The following TCP11L2 variants were observed in gnomAD, a reference collection of about 807,000 sequenced individuals.
The protein encoded by TCP11L2 is t-complex 11 like 2.
In TCP11L2, 39 loss-of-function variants were observed where a neutral mutation model predicts 50.7. The observed-to-expected ratio is 0.77, with a 90% CI of 0.60 to 1.01. The LOEUF is 1.01. Ranked by LOEUF, TCP11L2 falls within the 50% of genes least tolerant of loss-of-function variation. TCP11L2 has a pLI of 0.00. For missense variants in TCP11L2, 612 were observed against 614.7 expected (o/e 1.00, Z 0.05); for synonymous variants, 192 against 219.3 (o/e 0.88, Z 1.10).
intron 3 of TCP11L2, 42 bp downstream of exon 3, chr12:106,314,535 CTGTGTGTGTGTGTGTGTG>C (rs55918458): frequency 2.4e-5 from 17 of 707,366 alleles, no homozygotes; most frequent in East Asian, 9.2e-5. Context: ...GCTGAAGATT[CTGTGTGTGTGTGTGTGTG>C]TGTGTGTGTG....
chr12:106,316,807 G>T (rs956009924), intron 3 of TCP11L2, among the ~76,000 whole-genome samples: 2 of 152,236 alleles, frequency 1.3e-5, no homozygotes, highest in Non-Finnish European at 2.9e-5. Flanking sequence ...ACACATATTG[G>T]ATGTTTAATA....
chr12:106,344,628 T>C lies in TCP11L2; in HGVS notation c.1316-1658T>C, dbSNP rs114526770. Among the ~76,000 whole-genome samples the C allele has an allele frequency of 5.6e-4, 85 of 152,308 alleles. 1 individual carries two copies. The highest frequency in any genetic ancestry group is 1.9e-3 in the African/African-American group (79 of 41,580). ...GGTCAGACCTAGCTGGAATGTATGA[T>C]TTTTGTGAGCATTCTTTGGTGATAA... is the stretch of plus-strand genomic sequence containing the variant. On this transcript the variant is annotated intron_variant, in intron 9 of 9. Coordinates refer to ENST00000299045, the MANE Select transcript of TCP11L2 (RefSeq NM_152772.3).
At chr12:106,329,676 T>G (rs1179755910) in intron 6 of TCP11L2, 1 of 1,173,176 alleles carries the variant, frequency 8.5e-7, no homozygotes, top group East Asian at 4.2e-5. Flanking sequence ...CACTGTTGCT[T>G]TTGTTCAAGG....
intron 1 of TCP11L2, among the ~76,000 whole-genome samples, chr12:106,308,787 C>T (rs1225428565): frequency 6.6e-6 from 1 of 152,170 alleles, no homozygotes; most frequent in Non-Finnish European, 1.5e-5. Context: ...GCCTGGTTAA[C>T]GTGTCATGAT....
rs759945434 is a variant in TCP11L2 at position 106,323,579 on chromosome 12, G to T, written c.705G>T (p.Pro235=). 6.2e-7 allele frequency: 1 copy of T among 1,607,140 alleles called. No homozygotes were observed. Among genetic ancestry groups the T allele is most frequent in the Non-Finnish European group, 8.5e-7 (1 of 1,176,834 alleles). ...ATTTTACAATTATGAGTCTCAGACC[G>T]CACCTTCAACGCCAGTTGGTGGAAT... ...MANFTIMSLR[P]HLQRQLVEYE... The change falls in exon 6 of 10, where the codon CCG becomes CCT. Residue 235 remains proline (P), a synonymous_variant. Transcript: ENST00000299045.
At chr12:106,298,550 C>G (rs573117305), upstream of TCP11L2, among the ~76,000 whole-genome samples, 4 of 152,194 alleles carry the variant, frequency 2.6e-5, no homozygotes, top group South Asian at 8.3e-4. Context: ...GAGACAAAGT[C>G]TCGCTCTGTT....
At position 106,321,620 on chromosome 12, in the gene TCP11L2, C is replaced by T; in HGVS notation, c.549C>T (p.Ile183=). Reference sequence around the variant, plus strand: ...TCCAAGGCCTGGCCAACTATGTCATCAGTACGATGGGAAAGCTGTGTGCTC... The same window carrying T: ...TCCAAGGCCTGGCCAACTATGTCATTAGTACGATGGGAAAGCTGTGTGCTC... ...VDIQGLANYV[I]STMGKLCAPV... Residue 183 remains isoleucine (I), a synonymous_variant, in exon 5 of 10, where the codon ATC becomes ATT. Coordinates refer to ENST00000299045, the MANE Select transcript of TCP11L2 (RefSeq NM_152772.3). 6.2e-7 allele frequency: 1 copy of T among 1,614,206 alleles called. No individual in the cohort carries two copies. The highest frequency in any genetic ancestry group is 8.5e-7 in the Non-Finnish European group (1 of 1,180,044).
intron 9 of TCP11L2, among the ~76,000 whole-genome samples, chr12:106,345,397 T>C (rs779045575): frequency 1.3e-5 from 2 of 152,184 alleles, no homozygotes; most frequent in Non-Finnish European, 2.9e-5. Flanking sequence ...GAAACCTAGA[T>C]GTGTGGTCCC....
intron 6 of TCP11L2, among the ~76,000 whole-genome samples, chr12:106,328,450 A>G (rs569100667): frequency 1.4e-4 from 22 of 152,370 alleles, no homozygotes; most frequent in African/African-American, 5.0e-4. Context: ...AGACTGAGGC[A>G]GGAGAATGGC....
At chr12:106,345,248 G>A (rs776414486) in intron 9 of TCP11L2, among the ~76,000 whole-genome samples, 7 of 151,974 alleles carry the variant, frequency 4.6e-5, no homozygotes, top group Non-Finnish European at 7.4e-5. Flanking sequence ...CTCCCACCTC[G>A]GCCTCCCAAA....
chr12:106,326,433 A>G (rs2035549184), intron 6 of TCP11L2, among the ~76,000 whole-genome samples: 1 of 152,190 alleles, frequency 6.6e-6, no homozygotes, highest in African/African-American at 2.4e-5. Context: ...GGGAGGAAGC[A>G]GACAGCTGGT....
At chr12:106,323,818 G>A (rs957985329) in intron 6 of TCP11L2, 172 bp downstream of exon 6, 3 of 337,992 alleles carry the variant, frequency 8.9e-6, no homozygotes, top group African/African-American at 6.5e-5. Flanking sequence ...TGAAAATTAG[G>A]TGATGTTTTC....
intron 2 of TCP11L2, among the ~76,000 whole-genome samples, chr12:106,311,529 A>G (rs1034004437): frequency 8.5e-5 from 13 of 152,158 alleles, no homozygotes; most frequent in African/African-American, 2.7e-4. Context: ...CCATTCCTTG[A>G]GATTACTTCT....
intron 9 of TCP11L2, among the ~76,000 whole-genome samples, chr12:106,345,501 G>A (rs996698383): frequency 6.6e-6 from 1 of 152,190 alleles, no homozygotes; most frequent in Non-Finnish European, 1.5e-5. Context: ...GAAATCTCCT[G>A]ATTTTAAATG....
At chr12:106,299,849 ATCC>A (rs2034383351), upstream of TCP11L2, among the ~76,000 whole-genome samples, 6 of 152,250 alleles carry the variant, frequency 3.9e-5, no homozygotes, top group Admixed American at 3.9e-4. Context: ...GAGGTTGCAA[ATCC>A]AACTGTAATT....
At chr12:106,338,055 A>G (rs570942743) in intron 8 of TCP11L2, among the ~76,000 whole-genome samples, 79 of 152,334 alleles carry the variant, frequency 5.2e-4, no homozygotes, top group African/African-American at 1.8e-3. Flanking sequence ...CATCTTGAAA[A>G]CTAGAAGGAG....
At chr12:106,334,511 C>G (rs1276262938) in intron 6 of TCP11L2, among the ~76,000 whole-genome samples, 1 of 152,138 alleles carries the variant, frequency 6.6e-6, no homozygotes, top group East Asian at 1.9e-4. Context: ...CTCTTTACCC[C>G]TCACTTCCAC....
chr12:106,317,561 G>A (rs1356343990), intron 3 of TCP11L2, among the ~76,000 whole-genome samples: 1 of 152,182 alleles, frequency 6.6e-6, no homozygotes, highest in Non-Finnish European at 1.5e-5. Flanking sequence ...CATTCACCAT[G>A]CATGCATTTG....
intron 5 of TCP11L2, among the ~76,000 whole-genome samples, chr12:106,323,038 G>A (rs2035398640): frequency 6.6e-6 from 1 of 152,174 alleles, no homozygotes; most frequent in African/African-American, 2.4e-5. Context: ...GGAAACTGAG[G>A]CTCAGAGAGA....
Sources: allele counts gnomAD v4.1 joint callset (sites outside exome capture counted in the v4.1 genomes callset), GRCh38; gene constraint gnomAD v4.1.1; transcripts MANE v1.5; gene names NCBI Gene and HGNC (gene_info 2026-07-23, HGNC 2026-07-21).